Variants in SLC10A7 observed in about 807,000 individuals in gnomAD.
The protein encoded by SLC10A7 is solute carrier family 10 member 7, also known as sodium/bile acid cotransporter 7.
SLC10A7 carries 29 observed loss-of-function variants against 43.2 expected under a neutral mutation model. The ratio of observed to expected loss-of-function variants is 0.67; its 90% CI spans 0.50 to 0.92. The LOEUF (loss-of-function observed/expected upper bound fraction) is 0.92. SLC10A7 is among the 40% of genes least tolerant of loss of function. The pLI, the probability that SLC10A7 is intolerant of heterozygous loss-of-function variation, is 0.00. For synonymous variants in SLC10A7, 152 were observed against 144.8 expected, an observed-to-expected ratio of 1.05 and a Z score of -0.35; for missense variants, 295 against 403.2, an observed-to-expected ratio of 0.73 and a Z score of 2.30.
At chr4:146,516,405 G>A (rs1186054549) in intron 2 of SLC10A7, among the ~76,000 whole-genome samples, 1 of 149,754 alleles carries the variant, frequency 6.7e-6, no homozygotes, top group Non-Finnish European at 1.5e-5. Context: ...GGTGTGGGGT[G>A]TGTGTGTGTT....
chr4:146,450,953 T>C (rs1008940117), intron 4 of SLC10A7, among the ~76,000 whole-genome samples: 1 of 151,318 alleles, frequency 6.6e-6, no homozygotes, highest in Non-Finnish European at 1.5e-5. Flanking sequence ...GAGAAAGCTG[T>C]ATGACAAGAG....
intron 5 of SLC10A7, among the ~76,000 whole-genome samples, chr4:146,338,365 A>G (rs1224493694): frequency 6.6e-6 from 1 of 151,932 alleles, no homozygotes; most frequent in Non-Finnish European, 1.5e-5. Flanking sequence ...AGCTGCCACT[A>G]CAATTCTCAT....
intron 5 of SLC10A7, among the ~76,000 whole-genome samples, chr4:146,380,428 C>T (rs1401395310): frequency 1.3e-5 from 2 of 152,112 alleles, no homozygotes; most frequent in Non-Finnish European, 2.9e-5. Context: ...AAACTACTTG[C>T]CATCAATGTG....
intron 6 of SLC10A7, among the ~76,000 whole-genome samples, chr4:146,311,781 A>G (rs1731997266): frequency 1.3e-5 from 2 of 152,060 alleles, no homozygotes; most frequent in African/African-American, 4.8e-5. Flanking sequence ...CTTGCTTACT[A>G]TTGTGCCCAC....
At chr4:146,356,929 C>A (rs549280862) in intron 5 of SLC10A7, among the ~76,000 whole-genome samples, 3 of 152,100 alleles carry the variant, frequency 2.0e-5, no homozygotes, top group Non-Finnish European at 2.9e-5. Flanking sequence ...ATACAGTATA[C>A]CTTTATTGAA....
intron 4 of SLC10A7, among the ~76,000 whole-genome samples, chr4:146,460,852 A>G (rs1231204592): frequency 1.3e-5 from 2 of 152,152 alleles, no homozygotes; most frequent in East Asian, 1.9e-4. Context: ...AAAAATTTTA[A>G]AAGTCAACAA....
intron 5 of SLC10A7, among the ~76,000 whole-genome samples, chr4:146,415,421 C>A (rs568320967): frequency 1.3e-5 from 2 of 152,304 alleles, no homozygotes; most frequent in East Asian, 3.9e-4. Context: ...TACCATTTTA[C>A]ATGCTCTGTT....
At chr4:146,516,375 T>A (rs896961255) in intron 2 of SLC10A7, among the ~76,000 whole-genome samples, 1 of 151,206 alleles carries the variant, frequency 6.6e-6, no homozygotes, top group African/African-American at 2.4e-5. Flanking sequence ...AGTAAATCAG[T>A]AAATAACATT....
intron 4 of SLC10A7, among the ~76,000 whole-genome samples, chr4:146,476,307 T>C (rs553685366): frequency 6.6e-6 from 1 of 152,140 alleles, no homozygotes; most frequent in Non-Finnish European, 1.5e-5. Context: ...AAAGAGATGA[T>C]AGGTGCAGTA....
intron 5 of SLC10A7, among the ~76,000 whole-genome samples, chr4:146,424,738 G>A (rs1729213005): frequency 6.6e-6 from 1 of 151,734 alleles, no homozygotes; most frequent in Non-Finnish European, 1.5e-5. Context: ...CCATATTTGA[G>A]ACTCTGAAAA....
chr4:146,369,174 GACACCCTGGGTTCAAATCTTGCTCT>G (rs893051254), intron 5 of SLC10A7, among the ~76,000 whole-genome samples: 7 of 152,134 alleles, frequency 4.6e-5, no homozygotes, highest in Non-Finnish European at 1.0e-4. Flanking sequence ...CCTGGAGCCA[GACACCCTGGGTTCAAATCTTGCTCT>G]ACCACTTAAC....
chr4:146,310,958 G>A (rs1336490257), intron 6 of SLC10A7, among the ~76,000 whole-genome samples: 2 of 147,316 alleles, frequency 1.4e-5, no homozygotes, highest in African/African-American at 2.5e-5. Context: ...GACAGGGGGA[G>A]GATGGGGGGA....
intron 5 of SLC10A7, among the ~76,000 whole-genome samples, chr4:146,370,232 A>T (rs1277679673): frequency 1.3e-5 from 2 of 152,182 alleles, no homozygotes; most frequent in Non-Finnish European, 1.5e-5. Context: ...AGAGTAACAA[A>T]TTCCTTTCTG....
intron 10 of SLC10A7, among the ~76,000 whole-genome samples, chr4:146,277,910 T>C (rs1201226561): frequency 1.3e-5 from 2 of 152,312 alleles, no homozygotes; most frequent in African/African-American, 4.8e-5. Context: ...ACATGGAGTA[T>C]ATGTTTATAG....
rs1354516078 is a variant in SLC10A7 at position 146,466,485 on chromosome 4, C to T, written c.397-23664G>A. On this transcript the variant is annotated intron_variant, in intron 4 of 11. Coordinates refer to ENST00000335472, the MANE Select transcript of SLC10A7 (RefSeq NM_001029998.6). ...TAACCAAACTGAATTTCATTTTTTCCCCCAAGATCAGGAGCTCACAGAGTC... is the reference window on the plus strand; with the variant it reads ...TAACCAAACTGAATTTCATTTTTTCTCCCAAGATCAGGAGCTCACAGAGTC... Among the ~76,000 whole-genome samples, 3 of 152,158 alleles carry T rather than the reference C, an allele frequency of 2.0e-5. No individual in the cohort carries two copies. In the East Asian group the frequency reaches 5.8e-4, roughly 29 times the overall value.
intron 5 of SLC10A7, among the ~76,000 whole-genome samples, chr4:146,391,198 T>C (rs2149803739): frequency 6.6e-6 from 1 of 152,348 alleles, no homozygotes; most frequent in Admixed American, 6.5e-5. Flanking sequence ...AGCAATTTTC[T>C]TTAATTTGTT....
intron 5 of SLC10A7, among the ~76,000 whole-genome samples, chr4:146,375,739 T>C (rs777876135): frequency 6.6e-5 from 10 of 152,142 alleles, no homozygotes; most frequent in Non-Finnish European, 1.2e-4. Flanking sequence ...CCCTCTGACA[T>C]GAGCTGTGTT....
chr4:146,290,192 C>T (rs1475779978), intron 9 of SLC10A7, among the ~76,000 whole-genome samples: 6 of 150,992 alleles, frequency 4.0e-5, no homozygotes, highest in East Asian at 4.0e-4. Context: ...GGCGTGGTGG[C>T]GGGAGCCTGT....
intron 5 of SLC10A7, among the ~76,000 whole-genome samples, chr4:146,335,743 C>CT (rs1182239375): frequency 6.6e-6 from 1 of 152,014 alleles, no homozygotes; most frequent in Non-Finnish European, 1.5e-5. Context: ...ACCAGAAAAA[C>CT]TTCTCTCCAA....
Sources: allele counts gnomAD v4.1 joint callset (sites outside exome capture counted in the v4.1 genomes callset), GRCh38; gene constraint gnomAD v4.1.1; transcripts MANE v1.5; gene names NCBI Gene and HGNC (gene_info 2026-07-23, HGNC 2026-07-21).